DOCK7: variants seen among roughly 807,000 people sequenced by gnomAD.
The protein encoded by DOCK7 is dedicator of cytokinesis protein 7.
In DOCK7, 138 loss-of-function variants were observed where a neutral mutation model predicts 271.0. The ratio of observed to expected loss-of-function variants is 0.51; its 90% CI spans 0.44 to 0.59. The LOEUF is 0.59. Among genes scored for constraint, DOCK7 ranks in the 20% least tolerant of loss-of-function variants. DOCK7 has a pLI of 0.00. For synonymous variants in DOCK7, 823 were observed against 876.1 expected (o/e 0.94, Z 1.07); for missense variants, 2,066 against 2,592.4 (o/e 0.80, Z 4.41).
intron 38 of DOCK7, 73 bp downstream of exon 38, chr1:62,496,266 G>A: frequency 3.2e-6 from 5 of 1,571,794 alleles, no homozygotes; most frequent in Middle Eastern, 4.4e-4. Flanking sequence ...ATCAACTTTT[G>A]ATTTAACAAT....
chr1:62,594,516 G>A (rs1648935569), intron 14 of DOCK7, among the ~76,000 whole-genome samples: 1 of 151,880 alleles, frequency 6.6e-6, no homozygotes, highest in South Asian at 2.1e-4. Flanking sequence ...ATATAATATA[G>A]AAGGAAATAA....
rs780321879 is a variant in DOCK7, at chr1:62,653,715, T to C, written c.389+10A>G. 14 of 1,497,368 alleles carry C rather than the reference T, an allele frequency of 9.3e-6. No individual in the cohort carries two copies. The highest frequency in any genetic ancestry group is 7.9e-5 in the South Asian group (7 of 88,140). 92.8% of individuals were successfully genotyped at this position (1,497,368 alleles called of 1,614,324 possible). ...ATATTTGTAAATGTTGTAATAAACA[T>C]ATAACTTACTTTCTGATGACAATTG... On this transcript the variant is annotated intron_variant, in intron 4 of 49. Transcript: ENST00000635253.
chr1:62,607,666 C>G (rs1301353978), intron 14 of DOCK7: 2 of 152,196 alleles, frequency 1.3e-5, no homozygotes, highest in African/African-American at 4.8e-5. Context: ...CTTTTATTGT[C>G]TGGAGTTACA....
At chr1:62,553,291 G>A (rs1645978685) in intron 21 of DOCK7, among the ~76,000 whole-genome samples, 1 of 133,892 alleles carries the variant, frequency 7.5e-6, no homozygotes, top group South Asian at 2.3e-4. Context: ...AAGAGGCAGG[G>A]TCTTCTAAAT....
intron 13 of DOCK7, 76 bp downstream of exon 13, chr1:62,619,824 A>C: frequency 5.9e-6 from 5 of 842,654 alleles, no homozygotes; most frequent in Non-Finnish European, 7.3e-6. Flanking sequence ...AAAAAAAAAG[A>C]TACATAATTA....
At chr1:62,581,169 A>G (rs1266003238) in intron 16 of DOCK7, among the ~76,000 whole-genome samples, 1 of 152,178 alleles carries the variant, frequency 6.6e-6, no homozygotes, top group East Asian at 1.9e-4. Context: ...AGATCAGGGA[A>G]TTGTAACTTA....
rs767746771 is a variant in DOCK7 at position 62,529,245 on chromosome 1, C to T, written c.3781+32G>A. 1.2e-5 allele frequency: 18 copies of T among 1,529,756 alleles called. No individual in the cohort carries two copies. In the East Asian group the frequency reaches 3.7e-4, roughly 31 times the overall value. 94.8% of individuals were successfully genotyped at this position (1,529,756 alleles called of 1,614,324 possible). On this transcript the variant is annotated intron_variant, in intron 30 of 49. Coordinates refer to ENST00000635253, the MANE Select transcript of DOCK7 (RefSeq NM_001367561.1). ...TAACACTTTTAAACATTGAGCTTTG[C>T]CTTTAATATTTGCCTTAATTATACT...
chr1:62,620,647 G>A (rs1026972671), intron 12 of DOCK7, among the ~76,000 whole-genome samples: 62 of 151,816 alleles, frequency 4.1e-4, no homozygotes, highest in African/African-American at 1.4e-3. Flanking sequence ...TTGGGAGGCC[G>A]AGGCGGGCGG....
intron 19 of DOCK7, among the ~76,000 whole-genome samples, 180 bp from the exon 20 acceptor site, chr1:62,559,400 A>G (rs1402020677): frequency 1.3e-5 from 2 of 152,166 alleles, no homozygotes; most frequent in Non-Finnish European, 2.9e-5. Context: ...TAAAATGATC[A>G]CTTCAAATAC....
intron 41 of DOCK7, 191 bp downstream of exon 41, chr1:62,492,513 C>A: frequency 1.7e-6 from 1 of 593,762 alleles, no homozygotes. Context: ...GTCTTGAACT[C>A]CTGGATTCAA....
At chr1:62,552,695 C>T in intron 22 of DOCK7, 37 bp downstream of exon 22, 2 of 1,546,816 alleles carry the variant, frequency 1.3e-6, no homozygotes, top group Non-Finnish European at 1.8e-6. Flanking sequence ...GTTCACAAAA[C>T]AAAAACCAAA....
chr1:62,574,999 G>A (rs577580378), intron 18 of DOCK7, among the ~76,000 whole-genome samples: 169 of 152,090 alleles, frequency 1.1e-3, no homozygotes, highest in Non-Finnish European at 2.1e-3. Context: ...CCAAAGTGCT[G>A]GGATTACAGG....
chr1:62,555,804 A>G (rs753244812), intron 21 of DOCK7, 21 bp downstream of exon 21: 1 of 1,597,958 alleles, frequency 6.3e-7, no homozygotes, highest in Non-Finnish European at 8.5e-7. Flanking sequence ...AGACAGCTTC[A>G]TAGTAAAAAG....
At chr1:62,582,774 G>A (rs1246449606) in intron 16 of DOCK7, among the ~76,000 whole-genome samples, 1 of 151,892 alleles carries the variant, frequency 6.6e-6, no homozygotes, top group African/African-American at 2.4e-5. Context: ...ATTTCCCAAG[G>A]AAGAAAAATG....
At chr1:62,501,080 G>T (rs1175121033) in intron 37 of DOCK7, among the ~76,000 whole-genome samples, 1 of 152,074 alleles carries the variant, frequency 6.6e-6, no homozygotes, top group Non-Finnish European at 1.5e-5. Context: ...GGGCGAGGTG[G>T]CTCATACCTG....
chr1:62,460,262 C>T (rs1645480281), intron 48 of DOCK7, among the ~76,000 whole-genome samples: 1 of 151,916 alleles, frequency 6.6e-6, no homozygotes, highest in South Asian at 2.1e-4. Context: ...AATTGTAAAA[C>T]TTCCAAACAA....
chr1:62,600,470 T>C (rs1458628650), intron 14 of DOCK7, among the ~76,000 whole-genome samples: 1 of 151,828 alleles, frequency 6.6e-6, no homozygotes, highest in Non-Finnish European at 1.5e-5. Context: ...ATTCTGCTTT[T>C]CTTACTGTCA....
chr1:62,485,838 C>T (rs923139432), intron 43 of DOCK7: 3 of 354,004 alleles, frequency 8.5e-6, no homozygotes, highest in African/African-American at 4.4e-5. Context: ...AAAAAACAAA[C>T]GTGCAACAAA....
At chr1:62,645,718 A>G (rs1001679822) in intron 7 of DOCK7, among the ~76,000 whole-genome samples, 1 of 152,244 alleles carries the variant, frequency 6.6e-6, no homozygotes. Flanking sequence ...AGTGAACCAC[A>G]TAATACGTGA....
Sources: gnomAD v4.1 joint callset for allele counts (sites outside exome capture counted in the v4.1 genomes callset) on GRCh38, gnomAD v4.1.1 for gene constraint, MANE v1.5 for transcripts, NCBI Gene and HGNC (gene_info 2026-07-23, HGNC 2026-07-21) for gene names.